The following PRKX variants were observed in gnomAD, a reference collection of about 807,000 sequenced individuals.
The protein encoded by PRKX is cAMP-dependent protein kinase catalytic subunit PRKX.
Under a neutral mutation model 22.0 loss-of-function variants are expected in PRKX, and 12 were observed. The observed-to-expected ratio is 0.54, with a 90% CI of 0.35 to 0.88. The LOEUF (loss-of-function observed/expected upper bound fraction) is 0.88, where lower values mean the gene tolerates loss of function less well. Ranked by LOEUF, PRKX falls within the 40% of genes least tolerant of loss-of-function variation. The pLI is 0.01. For missense variants in PRKX, 217 were observed against 308.0 expected (o/e 0.70, Z 2.21); for synonymous variants, 134 against 137.7 (o/e 0.97, Z 0.19).
chrX:3,650,480 C>CACT (rs1314387779), intron 3 of PRKX, among the ~76,000 whole-genome samples: 4 of 80,681 alleles, frequency 5.0e-5, no homozygotes, highest in Non-Finnish European at 8.9e-5. Flanking sequence ...GAGATCGCAC[C>CACT]ACTGCACTCC....
At chrX:3,651,749 C>T (rs149200022) in intron 3 of PRKX, among the ~76,000 whole-genome samples, 1,335 of 111,330 alleles carry the variant, frequency 0.012, 19 homozygotes, top group African/African-American at 0.041. Flanking sequence ...CTTACCCAAC[C>T]CCACCACATC....
At chrX:3,711,449 A>G (rs1411267208) in intron 1 of PRKX, among the ~76,000 whole-genome samples, 1 of 111,606 alleles carries the variant, frequency 9.0e-6, no homozygotes, top group Non-Finnish European at 1.9e-5. Context: ...TGACACCAGA[A>G]CCCCTCACCT....
intron 1 of PRKX, among the ~76,000 whole-genome samples, chrX:3,692,171 C>T (rs1316538483): frequency 4.6e-5 from 5 of 109,148 alleles, no homozygotes; most frequent in Non-Finnish European, 9.5e-5. Flanking sequence ...CTGACTCTCA[C>T]GCTAAAGCAG....
rs368325952 is a variant in PRKX at position 3,708,176 on chromosome X, A to G, written c.166+4912T>C. Among the ~76,000 whole-genome samples the G allele has an allele frequency of 2.5e-4, 28 of 111,173 alleles. No individual in the cohort carries two copies. The South Asian group carries it at 2.7e-3, about 11-fold the overall frequency. On this transcript the variant is annotated intron_variant, in intron 1 of 8. Coordinates refer to ENST00000262848, the MANE Select transcript of PRKX (RefSeq NM_005044.5). Reference sequence around the variant, plus strand: ...CTGCCCTTATAAAGGGGCCCCAGAGAGCTCCCTCACCCCTTCCACCATGTG... The same window carrying G: ...CTGCCCTTATAAAGGGGCCCCAGAGGGCTCCCTCACCCCTTCCACCATGTG...
intron 5 of PRKX, among the ~76,000 whole-genome samples, chrX:3,622,533 T>A (rs1490565065): frequency 9.0e-6 from 1 of 110,680 alleles, no homozygotes; most frequent in Non-Finnish European, 1.9e-5. Context: ...GGTGACGTCC[T>A]AGGGTCAGAC....
chrX:3,614,602 G>T (rs1211003544), intron 7 of PRKX, among the ~76,000 whole-genome samples: 3 of 112,095 alleles, frequency 2.7e-5, no homozygotes, highest in African/African-American at 9.7e-5. Flanking sequence ...AGAGTAGAAT[G>T]ATAGTTACCA....
intron 6 of PRKX, among the ~76,000 whole-genome samples, chrX:3,618,553 A>T (rs1416489522): frequency 8.9e-6 from 1 of 112,001 alleles, no homozygotes; most frequent in Admixed American, 9.5e-5. Context: ...GACCCATTCC[A>T]CAATGGGTAC....
At chrX:3,634,980 A>G (rs35279980) in intron 4 of PRKX, among the ~76,000 whole-genome samples, 17,542 of 112,340 alleles carry the variant, frequency 0.16, 1,269 homozygotes, top group Admixed American at 0.35. Flanking sequence ...CTAGGATTAC[A>G]GGCGTGAGCC....
intron 1 of PRKX, among the ~76,000 whole-genome samples, chrX:3,711,903 AGAG>A (rs1334715679): frequency 9.0e-6 from 1 of 110,541 alleles, no homozygotes; most frequent in African/African-American, 3.3e-5. Flanking sequence ...AATGAGATAA[AGAG>A]GAGGAGGGAG....
Position 3,680,567 on chromosome X carries a change from T to C in PRKX, c.167-5801A>G, listed in dbSNP as rs1200924790. Among the ~76,000 whole-genome samples, 4 of 112,200 alleles carry C rather than the reference T, an allele frequency of 3.6e-5. No homozygotes were observed. The East Asian group carries it at 8.4e-4, about 24-fold the overall frequency. On this transcript the variant is annotated intron_variant, in intron 1 of 8. Transcript: ENST00000262848. The stretch of plus-strand genomic sequence containing the variant: ...AAAATGCCATGGGCATCTTCTGAGC[T>C]CCACCCAAATACAGGCATGTGTAAC...
intron 1 of PRKX, among the ~76,000 whole-genome samples, chrX:3,701,634 A>G (rs990652528): frequency 3.6e-5 from 4 of 112,365 alleles, no homozygotes; most frequent in South Asian, 3.7e-4. Context: ...GGTAAAATGA[A>G]GCTGAAGCCT....
intron 7 of PRKX, among the ~76,000 whole-genome samples, chrX:3,614,747 A>G (rs1023192864): frequency 9.0e-6 from 1 of 111,543 alleles, no homozygotes; most frequent in African/African-American, 3.3e-5. Context: ...AATATATTGT[A>G]TATTTCAGAA....
chrX:3,662,149 A>C (rs1425099089), intron 2 of PRKX, among the ~76,000 whole-genome samples: 1 of 111,483 alleles, frequency 9.0e-6, no homozygotes, highest in Non-Finnish European at 1.9e-5. Context: ...ATTACATAGT[A>C]AACTTGGAAG....
At position 3,713,185 on chromosome X, in the gene PRKX, G is replaced by A. The variant is rs1270887010; in HGVS notation, c.69C>T (p.Thr23=). ...GGCAGAGCGCGGGCGCCCCGTCGGG[G>A]GTCTCCTCCGCCACCTTGCGGGAGT... ...ESDSRKVAEE[T]PDGAPALCPS... Residue 23 remains threonine, a synonymous_variant, in exon 1 of 9, where the codon ACC becomes ACT. Transcript: ENST00000262848. 1 of 1,116,417 alleles carries A rather than the reference G, an allele frequency of 9.0e-7. No individual in the cohort carries two copies. The highest frequency in any genetic ancestry group is 3.1e-5 in the Admixed American group (1 of 32,764). 92.0% of individuals were successfully genotyped at this position (1,116,417 alleles called of 1,213,427 possible).
At chrX:3,629,655 A>G (rs12399456) in intron 4 of PRKX, among the ~76,000 whole-genome samples, 9,580 of 110,350 alleles carry the variant, frequency 0.087, 326 homozygotes, top group Non-Finnish European at 0.1. Context: ...CTGAGATATC[A>G]TATTTTTCTT....
At chrX:3,711,495 C>G (rs7059087) in intron 1 of PRKX, among the ~76,000 whole-genome samples, 2,662 of 112,216 alleles carry the variant, frequency 0.024, 83 homozygotes, top group African/African-American at 0.082. Flanking sequence ...CTCTCTGCCC[C>G]GGCCTCCAGC....
At chrX:3,641,319 A>T (rs1231407629) in intron 4 of PRKX, 2 of 113,329 alleles carry the variant, frequency 1.8e-5, no homozygotes, top group Admixed American at 1.8e-4. Flanking sequence ...GTTCATCCAG[A>T]AACCACTGAA....
intron 4 of PRKX, among the ~76,000 whole-genome samples, chrX:3,636,214 CTAAGAG>C (rs1462304325): frequency 8.9e-6 from 1 of 112,188 alleles, no homozygotes; most frequent in Non-Finnish European, 1.9e-5. Context: ...CTTGATCCTG[CTAAGAG>C]TGGGAATCCA....
chrX:3,699,076 G>A lies in PRKX; in HGVS notation c.166+14012C>T, dbSNP rs769499212. ...TTTTGAGACAGAGTGTCACTCTGTCGCCCAGGCTGGAGTACAGCGGCACCA... is the reference window on the plus strand; with the variant it reads ...TTTTGAGACAGAGTGTCACTCTGTCACCCAGGCTGGAGTACAGCGGCACCA... On this transcript the variant is annotated intron_variant, in intron 1 of 8. Transcript: ENST00000262848. Among the ~76,000 whole-genome samples, 10 of 99,802 alleles carry A rather than the reference G, an allele frequency of 1.0e-4. No individual in the cohort carries two copies. The South Asian group carries it at 2.9e-3, about 29-fold the overall frequency. The allele number at this position is 99,802 out of a possible 115,157, so 86.7% of individuals were successfully genotyped here.
Sources: allele counts gnomAD v4.1 joint callset (sites outside exome capture counted in the v4.1 genomes callset), GRCh38; gene constraint gnomAD v4.1.1; transcripts MANE v1.5; gene names NCBI Gene and HGNC (gene_info 2026-07-23, HGNC 2026-07-21).